The following AMBRA1 variants were observed in gnomAD, a reference collection of about 807,000 sequenced individuals.
The protein encoded by AMBRA1 is autophagy and beclin 1 regulator 1.
Under a neutral mutation model 125.4 loss-of-function variants are expected in AMBRA1, and 47 were observed. The observed-to-expected ratio is 0.37, with a 90% CI of 0.30 to 0.48. AMBRA1 has a LOEUF of 0.48. AMBRA1 is among the 20% of genes least tolerant of loss of function. The probability of loss-of-function intolerance (pLI) is 0.99; values close to 1 mark genes in which losing one functional copy is unlikely to be tolerated. For synonymous variants in AMBRA1, 626 were observed against 655.5 expected (o/e 0.95, Z 0.69); for missense variants, 1,331 against 1,693.4 (o/e 0.79, Z 3.76).
intron 1 of AMBRA1, among the ~76,000 whole-genome samples, chr11:46,572,286 C>T (rs191672722): frequency 1.3e-3 from 196 of 151,898 alleles, no homozygotes; most frequent in African/African-American, 4.1e-3. Context: ...GGTGATAGAG[C>T]GAGATTCCAT....
chr11:46,579,198 C>T (rs2044084174), intron 1 of AMBRA1, among the ~76,000 whole-genome samples: 1 of 152,152 alleles, frequency 6.6e-6, no homozygotes, highest in Non-Finnish European at 1.5e-5. Flanking sequence ...TGGCTCACGC[C>T]TGTAATCCCA....
intron 7 of AMBRA1, among the ~76,000 whole-genome samples, chr11:46,522,440 A>T (rs1345383808): frequency 6.6e-6 from 1 of 152,198 alleles, no homozygotes; most frequent in Non-Finnish European, 1.5e-5. Context: ...AGGTCTGCTC[A>T]CAGACCACAG....
At chr11:46,516,013 C>T (rs1951463779) in intron 7 of AMBRA1, among the ~76,000 whole-genome samples, 2 of 152,142 alleles carry the variant, frequency 1.3e-5, no homozygotes, top group African/African-American at 2.4e-5. Context: ...CTATTTCCCA[C>T]CTTAACTTCC....
chr11:46,512,695 C>A (rs746421551), intron 8 of AMBRA1, 32 bp downstream of exon 8: 2 of 1,601,824 alleles, frequency 1.2e-6, no homozygotes, highest in Admixed American at 3.4e-5. Context: ...GCCCCTCCCC[C>A]CACCTAGTGC....
intron 14 of AMBRA1, among the ~76,000 whole-genome samples, chr11:46,420,369 T>G (rs1312705636): frequency 6.6e-6 from 1 of 151,964 alleles, no homozygotes; most frequent in Admixed American, 6.6e-5. Context: ...CTGGCAGGAG[T>G]CTCAAACAAA....
chr11:46,481,653 G>A (rs1434240185), intron 11 of AMBRA1, among the ~76,000 whole-genome samples: 4 of 152,134 alleles, frequency 2.6e-5, no homozygotes, highest in Non-Finnish European at 4.4e-5. Flanking sequence ...ATGATCTACC[G>A]CGCCCGGCCT....
At chr11:46,413,443 T>A (rs1946387027) in intron 15 of AMBRA1, among the ~76,000 whole-genome samples, 2 of 152,112 alleles carry the variant, frequency 1.3e-5, no homozygotes, top group South Asian at 4.1e-4. Flanking sequence ...AGGAATAGAG[T>A]TGAAGACACC....
chr11:46,494,824 A>C (rs1565217495), intron 9 of AMBRA1: 1 of 152,490 alleles, frequency 6.6e-6, no homozygotes, highest in Non-Finnish European at 1.5e-5. Context: ...TTTGAATACA[A>C]AGTCTGGGTG....
At chr11:46,522,207 T>C (rs1401140324) in intron 7 of AMBRA1, among the ~76,000 whole-genome samples, 2 of 152,130 alleles carry the variant, frequency 1.3e-5, no homozygotes, top group Admixed American at 1.3e-4. Context: ...GTCTGGTGGG[T>C]AGTTATTTTT....
At chr11:46,493,749 A>G in intron 10 of AMBRA1, 41 bp from the exon 11 acceptor site, 2 of 1,492,508 alleles carry the variant, frequency 1.3e-6, no homozygotes, top group Non-Finnish European at 1.8e-6. Context: ...ACTAAAGACT[A>G]CCACGAAACA....
intron 1 of AMBRA1, 149 bp downstream of exon 1, chr11:46,593,679 C>T: frequency 5.7e-6 from 2 of 349,856 alleles, no homozygotes; most frequent in Non-Finnish European, 1.0e-5. Flanking sequence ...GCTGCCCCTC[C>T]GGCCGCGCCC....
At chr11:46,410,426 T>C in intron 15 of AMBRA1, 58 bp from the exon 16 acceptor site, 2 of 1,430,172 alleles carry the variant, frequency 1.4e-6, no homozygotes, top group Non-Finnish European at 2.0e-6. Context: ...GAGGGAAGGA[T>C]AAGAGCTCCT....
At chr11:46,464,662 G>A (rs2136850030) in intron 11 of AMBRA1, among the ~76,000 whole-genome samples, 1 of 152,188 alleles carries the variant, frequency 6.6e-6, no homozygotes, top group Non-Finnish European at 1.5e-5. Context: ...ACCTCCCAGG[G>A]TTAGTTACTT....
At chr11:46,496,640 G>A (rs1950639631) in intron 9 of AMBRA1, among the ~76,000 whole-genome samples, 1 of 152,114 alleles carries the variant, frequency 6.6e-6, no homozygotes, top group African/African-American at 2.4e-5. Context: ...AGTGCCCAAA[G>A]GTAACACAGA....
At chr11:46,418,377 AAT>A (rs1380893282) in intron 14 of AMBRA1, among the ~76,000 whole-genome samples, 7 of 142,614 alleles carry the variant, frequency 4.9e-5, no homozygotes, top group Non-Finnish European at 9.1e-5. Context: ...TTTATATATA[AAT>A]ATATATATTT....
chr11:46,548,216 T>G (rs1321159237), intron 2 of AMBRA1, 30 bp downstream of exon 2: 1 of 1,613,794 alleles, frequency 6.2e-7, no homozygotes, highest in African/African-American at 1.3e-5. Context: ...CCAGCACAAA[T>G]CCTATGTGAA....
chr11:46,466,752 T>C (rs1022540870), intron 11 of AMBRA1, among the ~76,000 whole-genome samples: 6 of 152,142 alleles, frequency 3.9e-5, no homozygotes, highest in Admixed American at 6.5e-5. Flanking sequence ...TTTTTAAAGT[T>C]AGAAAGTATT....
At chr11:46,451,528 GA>G (rs755706490) in intron 11 of AMBRA1, among the ~76,000 whole-genome samples, 54 of 152,208 alleles carry the variant, frequency 3.5e-4, no homozygotes, top group Non-Finnish European at 6.2e-4. Context: ...TGAAAAGTAT[GA>G]TTCAACAGTT....
At chr11:46,468,380 A>G (rs961913578) in intron 11 of AMBRA1, among the ~76,000 whole-genome samples, 2 of 151,874 alleles carry the variant, frequency 1.3e-5, no homozygotes. Flanking sequence ...TCTCTTGAAA[A>G]AAAAGAAAAA....
Sources: allele counts gnomAD v4.1 joint callset (sites outside exome capture counted in the v4.1 genomes callset), GRCh38; gene constraint gnomAD v4.1.1; transcripts MANE v1.5; gene names NCBI Gene and HGNC (gene_info 2026-07-23, HGNC 2026-07-21).